ZNF385D: variants seen among roughly 807,000 people sequenced by gnomAD.
ZNF385D encodes zinc finger protein 385D.
ZNF385D carries 15 observed loss-of-function variants against 35.8 expected under a neutral mutation model. The ratio of observed to expected loss-of-function variants is 0.42; its 90% CI spans 0.28 to 0.64. The LOEUF is 0.64. Among genes scored for constraint, ZNF385D ranks in the 30% least tolerant of loss-of-function variants. The pLI is 0.23. For synonymous variants in ZNF385D, 212 were observed against 186.8 expected (o/e 1.13, Z -1.10); for missense variants, 474 against 494.6 (o/e 0.96, Z 0.39).
chr3:22,024,231 T>C (rs1478732883), intron 3 of ZNF385D, among the ~76,000 whole-genome samples: 1 of 152,128 alleles, frequency 6.6e-6, no homozygotes, highest in East Asian at 1.9e-4. Context: ...TTGGACTGGC[T>C]CTCCTTGCTC....
At chr3:22,308,628 G>C (rs1301233550) in intron 2 of ZNF385D, among the ~76,000 whole-genome samples, 1 of 151,864 alleles carries the variant, frequency 6.6e-6, no homozygotes, top group Non-Finnish European at 1.5e-5. Flanking sequence ...AACAGAGGCG[G>C]CATGAAAAAA....
chr3:22,157,177 A>G (rs980255808), intron 3 of ZNF385D, among the ~76,000 whole-genome samples: 2 of 152,116 alleles, frequency 1.3e-5, no homozygotes, highest in African/African-American at 2.4e-5. Flanking sequence ...TTCCAGTTAC[A>G]TGACCTTTGG....
At chr3:21,883,695 C>G (rs1392449813) in intron 3 of ZNF385D, among the ~76,000 whole-genome samples, 1 of 152,042 alleles carries the variant, frequency 6.6e-6, no homozygotes, top group African/African-American at 2.4e-5. Context: ...AAGGCATATT[C>G]ACTACAGAAA....
intron 3 of ZNF385D, among the ~76,000 whole-genome samples, chr3:21,840,326 G>C (rs953566551): frequency 2.6e-5 from 4 of 152,020 alleles, no homozygotes; most frequent in Admixed American, 2.0e-4. Flanking sequence ...AAACAGAATA[G>C]AGAAGAGCTG....
At position 21,810,971 on chromosome 3, in the gene ZNF385D, C is replaced by CGTGTGT. The variant is rs139624741; in HGVS notation, c.326-145949_326-145944dup. Among the ~76,000 whole-genome samples the CGTGTGT allele has an allele frequency of 8.0e-3, 1,160 of 144,416 alleles. 9 individuals carry two copies. Among genetic ancestry groups the CGTGTGT allele is most frequent in the Non-Finnish European group, 0.011 (745 of 65,954 alleles). 94.7% of individuals were successfully genotyped at this position (144,416 alleles called of 152,430 possible). On this transcript the variant is annotated intron_variant, in intron 3 of 5. Coordinates refer to the ZNF385D transcript ENST00000494108. ...ACACACACACATATGTGTGTGTATACGTGTGTGTGTGTGTGTGTGTGTGTG... is the reference window on the plus strand; with the variant it reads ...ACACACACACATATGTGTGTGTATACGTGTGTGTGTGTGTGTGTGTGTGTGTGTGTG...
chr3:21,813,776 C>G (rs1459741245), intron 3 of ZNF385D, among the ~76,000 whole-genome samples: 1 of 152,178 alleles, frequency 6.6e-6, no homozygotes, highest in Non-Finnish European at 1.5e-5. Flanking sequence ...GGAAAACAGT[C>G]TGCAGGATAT....
intron 2 of ZNF385D, among the ~76,000 whole-genome samples, chr3:22,333,099 C>A (rs1231773846): frequency 6.6e-6 from 1 of 152,066 alleles, no homozygotes; most frequent in Admixed American, 6.6e-5. Context: ...GCTTGGCAGT[C>A]CTTTTCTTTA....
intron 3 of ZNF385D, among the ~76,000 whole-genome samples, chr3:22,024,618 T>C (rs1697426619): frequency 6.6e-6 from 1 of 152,166 alleles, no homozygotes; most frequent in African/African-American, 2.4e-5. Flanking sequence ...CATTAACTTC[T>C]AATTGTATGG....
intron 2 of ZNF385D, among the ~76,000 whole-genome samples, chr3:22,221,511 A>G (rs924114539): frequency 3.3e-5 from 5 of 152,132 alleles, no homozygotes; most frequent in Admixed American, 1.3e-4. Context: ...GAAAATCTTC[A>G]CTAATTTTTA....
At chr3:21,659,475 G>T (rs2066170224) in intron 2 of ZNF385D, among the ~76,000 whole-genome samples, 2 of 152,104 alleles carry the variant, frequency 1.3e-5, no homozygotes, top group South Asian at 4.1e-4. Context: ...AACGCAAGTG[G>T]TATCTGGTAT....
intron 1 of ZNF385D, among the ~76,000 whole-genome samples, chr3:21,732,342 G>A (rs746330835): frequency 4.6e-5 from 7 of 152,050 alleles, no homozygotes; most frequent in South Asian, 2.1e-4. Context: ...GTGAGCCACC[G>A]TGCCTGGCCA....
chr3:21,845,310 T>C (rs1181104017), intron 3 of ZNF385D, among the ~76,000 whole-genome samples: 2 of 151,954 alleles, frequency 1.3e-5, no homozygotes, highest in African/African-American at 4.8e-5. Flanking sequence ...TTTGGTCTAA[T>C]GGAATATAAT....
At chr3:21,601,874 C>T (rs893717439) in intron 2 of ZNF385D, among the ~76,000 whole-genome samples, 1 of 152,176 alleles carries the variant, frequency 6.6e-6, no homozygotes, top group African/African-American at 2.4e-5. Flanking sequence ...AACTGGAGCA[C>T]TTTCCCCAAC....
chr3:22,271,430 C>T (rs1026207993), intron 2 of ZNF385D, among the ~76,000 whole-genome samples: 6 of 151,882 alleles, frequency 4.0e-5, no homozygotes, highest in Admixed American at 1.3e-4. Context: ...AAAACAGTTT[C>T]GAGATAAAGA....
intron 3 of ZNF385D, among the ~76,000 whole-genome samples, chr3:22,077,930 C>A (rs918674630): frequency 6.6e-6 from 1 of 152,018 alleles, no homozygotes; most frequent in Admixed American, 6.6e-5. Flanking sequence ...TGAAACCTGA[C>A]TGTGGAGTAT....
At position 21,413,317 on chromosome 3, in the gene ZNF385D, C is replaced by A. The variant is rs1468462024; in HGVS notation, c.*7897G>T. On this transcript the variant is annotated 3_prime_UTR_variant, in exon 8 of 8. Coordinates refer to ENST00000281523, the MANE Select transcript of ZNF385D (RefSeq NM_024697.3). ...ATTAGCATTCTGAGCGTTTTGGCTT[C>A]TGGTACTCAAGTCAGACTTCCAGAT... The A allele has an allele frequency of 6.6e-6, 1 of 152,042 alleles. No individual in the cohort carries two copies. Among genetic ancestry groups the A allele is most frequent in the African/African-American group, 2.4e-5 (1 of 41,402 alleles). 9.4% of individuals were successfully genotyped at this position (152,042 alleles called of 1,614,324 possible).
intron 2 of ZNF385D, among the ~76,000 whole-genome samples, chr3:22,294,208 CAA>C (rs1014981422): frequency 6.6e-6 from 1 of 151,990 alleles, no homozygotes; most frequent in Non-Finnish European, 1.5e-5. Context: ...GTATAGGAAA[CAA>C]AACTGTGGCA....
intron 3 of ZNF385D, among the ~76,000 whole-genome samples, chr3:22,099,314 A>C (rs1048918924): frequency 1.3e-5 from 2 of 152,108 alleles, no homozygotes; most frequent in African/African-American, 4.8e-5. Flanking sequence ...TAACTTGAGG[A>C]AAGGGCTGAA....
chr3:22,173,256 C>T (rs1471357390), intron 2 of ZNF385D, among the ~76,000 whole-genome samples: 1 of 152,032 alleles, frequency 6.6e-6, no homozygotes, highest in African/African-American at 2.4e-5. Context: ...TGGATGGGGC[C>T]TTGAAATAAA....
Sources: gnomAD v4.1 joint callset for allele counts (sites outside exome capture counted in the v4.1 genomes callset) on GRCh38, gnomAD v4.1.1 for gene constraint, MANE v1.5 for transcripts, NCBI Gene and HGNC (gene_info 2026-07-23, HGNC 2026-07-21) for gene names.